Variants in KCNH1 observed in about 807,000 individuals in gnomAD.
KCNH1 encodes the protein voltage-gated delayed rectifier potassium channel KCNH1.
KCNH1 carries 27 observed loss-of-function variants against 69.2 expected under a neutral mutation model. The observed-to-expected ratio is 0.39, with a 90% CI of 0.29 to 0.54. KCNH1 has a LOEUF of 0.54. Among genes scored for constraint, KCNH1 ranks in the 20% least tolerant of loss-of-function variants. The pLI is 0.68. For synonymous variants in KCNH1, 456 were observed against 487.7 expected, an observed-to-expected ratio of 0.93 and a Z score of 0.86; for missense variants, 798 against 1,261.6, an observed-to-expected ratio of 0.63 and a Z score of 5.57.
chr1:211,090,522 A>T, intron 4 of KCNH1, 40 bp downstream of exon 4: 1 of 1,554,912 alleles, frequency 6.4e-7, no homozygotes, highest in East Asian at 2.3e-5. Flanking sequence ...ATAAAGACAA[A>T]AAAGGCATAA....
intron 10 of KCNH1, among the ~76,000 whole-genome samples, chr1:210,701,192 C>G (rs1294091061): frequency 6.6e-6 from 1 of 152,200 alleles, no homozygotes; most frequent in Non-Finnish European, 1.5e-5. Context: ...CCGCCTCAGC[C>G]TCCCAAAGTG....
intron 7 of KCNH1, among the ~76,000 whole-genome samples, chr1:210,840,377 GA>G (rs1189036981): frequency 6.6e-6 from 1 of 152,140 alleles, no homozygotes; most frequent in Non-Finnish European, 1.5e-5. Flanking sequence ...GCCAAGAAAA[GA>G]AAATATATCA....
At chr1:210,775,299 G>C (rs1200450012) in intron 10 of KCNH1, 49 bp downstream of exon 10, 1 of 1,506,002 alleles carries the variant, frequency 6.6e-7, no homozygotes, top group South Asian at 1.2e-5. Flanking sequence ...ATTATCCAAA[G>C]TGTACAGAGA....
chr1:210,907,476 C>T (rs954201621), intron 7 of KCNH1, among the ~76,000 whole-genome samples: 2 of 151,774 alleles, frequency 1.3e-5, no homozygotes, highest in African/African-American at 4.8e-5. Flanking sequence ...GCAGCCCCAC[C>T]CAGTGTCTTC....
At chr1:210,833,877 C>T (rs367960197) in intron 7 of KCNH1, among the ~76,000 whole-genome samples, 3 of 151,940 alleles carry the variant, frequency 2.0e-5, no homozygotes, top group Admixed American at 2.0e-4. Flanking sequence ...GGGTGAAGGA[C>T]ATGAACAGAC....
At chr1:210,806,834 AAAAT>A (rs1300007841) in intron 7 of KCNH1, among the ~76,000 whole-genome samples, 11 of 67,768 alleles carry the variant, frequency 1.6e-4, no homozygotes, top group African/African-American at 6.0e-4. Flanking sequence ...AAAAAAAAAA[AAAAT>A]ATATATATAT....
intron 7 of KCNH1, among the ~76,000 whole-genome samples, chr1:210,855,008 T>C (rs1305692192): frequency 6.6e-6 from 1 of 152,190 alleles, no homozygotes; most frequent in Non-Finnish European, 1.5e-5. Context: ...GCCTACCCTT[T>C]GCAATTTCTT....
intron 1 of KCNH1, among the ~76,000 whole-genome samples, chr1:211,110,643 T>C (rs1340192526): frequency 6.6e-6 from 1 of 152,036 alleles, no homozygotes; most frequent in Non-Finnish European, 1.5e-5. Flanking sequence ...ATGCTAAAAA[T>C]ACAGGTGATA....
chr1:210,997,760 GA>G (rs1385536524), intron 6 of KCNH1, among the ~76,000 whole-genome samples: 1 of 152,204 alleles, frequency 6.6e-6, no homozygotes, highest in Admixed American at 6.5e-5. Flanking sequence ...GGCAGCCAGA[GA>G]GAATGATCGG....
chr1:210,836,952 C>T (rs1685295270), intron 7 of KCNH1, among the ~76,000 whole-genome samples: 3 of 152,176 alleles, frequency 2.0e-5, no homozygotes, highest in Admixed American at 6.5e-5. Flanking sequence ...TTCATCTATT[C>T]TAGCCCATTC....
rs560707336 is a variant in KCNH1 at position 210,894,242 on chromosome 1, G to C, written c.1462+25398C>G. Reference sequence around the variant, plus strand: ...CAGTTAAATTATTTGGAAACAACTTGATCCTTTGAGTCTTACCTTTAAGAT... The same window carrying C: ...CAGTTAAATTATTTGGAAACAACTTCATCCTTTGAGTCTTACCTTTAAGAT... On this transcript the variant is annotated intron_variant, in intron 7 of 10. Transcript: ENST00000271751. Among the ~76,000 whole-genome samples the C allele has an allele frequency of 7.9e-5, 12 of 152,294 alleles. No homozygotes were observed. In the South Asian group the frequency reaches 2.3e-3, roughly 29 times the overall value.
At chr1:210,951,395 G>A (rs965739803) in intron 6 of KCNH1, among the ~76,000 whole-genome samples, 3 of 152,190 alleles carry the variant, frequency 2.0e-5, no homozygotes, top group Non-Finnish European at 2.9e-5. Flanking sequence ...CAAGGAGAAC[G>A]TTCTTGATGC....
At chr1:211,080,502 A>G (rs547893909) in intron 5 of KCNH1, among the ~76,000 whole-genome samples, 2 of 152,358 alleles carry the variant, frequency 1.3e-5, no homozygotes, top group South Asian at 4.1e-4. Context: ...AAGAGCCCAT[A>G]TTGCCAAGAC....
At chr1:210,834,945 T>A (rs148305459) in intron 7 of KCNH1, among the ~76,000 whole-genome samples, 1 of 152,178 alleles carries the variant, frequency 6.6e-6, no homozygotes, top group Non-Finnish European at 1.5e-5. Flanking sequence ...TAGTAAACTA[T>A]AGCTAAGACA....
At chr1:210,759,392 A>G (rs1362401235) in intron 10 of KCNH1, among the ~76,000 whole-genome samples, 3 of 152,140 alleles carry the variant, frequency 2.0e-5, no homozygotes, top group Admixed American at 6.6e-5. Context: ...AAACATCACA[A>G]GCAAGTTGAA....
chr1:210,783,395 C>T (rs2102382017), intron 9 of KCNH1, among the ~76,000 whole-genome samples: 1 of 152,250 alleles, frequency 6.6e-6, no homozygotes, highest in Non-Finnish European at 1.5e-5. Context: ...GGTAGGTTTC[C>T]AGCTGTTTCC....
At position 210,706,477 on chromosome 1, in the gene KCNH1, A is replaced by G. The variant is rs145556708; in HGVS notation, c.2113-22339T>C. On this transcript the variant is annotated intron_variant, in intron 10 of 10. Coordinates refer to ENST00000271751, the MANE Select transcript of KCNH1 (RefSeq NM_172362.3). ...TTTGCTTTAGCCACTATTTGGGATTATGTGAGCCATGGCTGGTGACTCAGA... is the reference window on the plus strand; with the variant it reads ...TTTGCTTTAGCCACTATTTGGGATTGTGTGAGCCATGGCTGGTGACTCAGA... 4.6e-3 allele frequency among the ~76,000 whole-genome samples: 697 copies of G among 152,376 alleles called. 10 individuals are homozygous for G. The highest frequency in any genetic ancestry group is 6.4e-3 in the Non-Finnish European group (436 of 68,028).
intron 6 of KCNH1, among the ~76,000 whole-genome samples, chr1:210,949,363 T>C (rs1420634538): frequency 1.3e-5 from 2 of 152,222 alleles, no homozygotes; most frequent in Non-Finnish European, 2.9e-5. Flanking sequence ...TCTTTAACCC[T>C]GTCAGCCCAA....
At chr1:210,695,165 C>T (rs1681611663) in intron 10 of KCNH1, among the ~76,000 whole-genome samples, 1 of 152,214 alleles carries the variant, frequency 6.6e-6, no homozygotes. Flanking sequence ...GCCATGACGC[C>T]ACTCTCCTAA....
Sources: gnomAD v4.1 joint callset for allele counts (sites outside exome capture counted in the v4.1 genomes callset) on GRCh38, gnomAD v4.1.1 for gene constraint, MANE v1.5 for transcripts, NCBI Gene and HGNC (gene_info 2026-07-23, HGNC 2026-07-21) for gene names.